Variants in CCDC175 observed in about 807,000 individuals in gnomAD.
The protein encoded by CCDC175 is coiled-coil domain containing 175, also known as coiled-coil domain-containing protein 175.
In CCDC175, 100 loss-of-function variants were observed where a neutral mutation model predicts 114.6. That is an observed-to-expected ratio of 0.87 (90% CI 0.74 to 1.03). The LOEUF is 1.03. Ranked by LOEUF, CCDC175 falls within the 50% of genes least tolerant of loss-of-function variation. CCDC175 has a pLI of 0.00. For missense variants in CCDC175, 880 were observed against 917.8 expected (o/e 0.96, Z 0.53); for synonymous variants, 306 against 308.7 (o/e 0.99, Z 0.09).
At chr14:59,514,175 T>C (rs1374768860) in intron 17 of CCDC175, among the ~76,000 whole-genome samples, 1 of 152,064 alleles carries the variant, frequency 6.6e-6, no homozygotes, top group Non-Finnish European at 1.5e-5. Context: ...TACGTCACCA[T>C]CATCAAAGAC....
chr14:59,506,719 G>A (rs1892425763), intron 19 of CCDC175, among the ~76,000 whole-genome samples: 1 of 152,132 alleles, frequency 6.6e-6, no homozygotes, highest in African/African-American at 2.4e-5. Context: ...TCTTCTCACT[G>A]AAATTTTGAT....
At chr14:59,511,688 A>G in intron 18 of CCDC175, 72 bp downstream of exon 18, 1 of 1,262,258 alleles carries the variant, frequency 7.9e-7, no homozygotes, top group Admixed American at 2.0e-5. Flanking sequence ...AAGCACACAC[A>G]CTTATTAGGT....
chr14:59,563,947 T>C, intron 5 of CCDC175, 88 bp from the exon 6 acceptor site: 1 of 823,594 alleles, frequency 1.2e-6, no homozygotes, highest in East Asian at 3.4e-5. Context: ...GTCAACCTAA[T>C]TCATATTTAA....
At chr14:59,530,179 C>A (rs1442775709) in intron 14 of CCDC175, among the ~76,000 whole-genome samples, 1 of 151,848 alleles carries the variant, frequency 6.6e-6, no homozygotes, top group East Asian at 1.9e-4. Flanking sequence ...CCACCCTGAC[C>A]AACATGGTGA....
chr14:59,563,901 A>G, intron 5 of CCDC175, 42 bp from the exon 6 acceptor site: 4 of 1,273,238 alleles, frequency 3.1e-6, no homozygotes, highest in Non-Finnish European at 4.0e-6. Flanking sequence ...AAAGCCTATT[A>G]GCACAACAAA....
chr14:59,565,087 C>G lies in CCDC175; in HGVS notation c.680G>C (p.Arg227Thr). The change falls in exon 5 of 20, where the codon AGG (arginine) becomes ACG (threonine). Residue 227 changes from arginine (R) to threonine (T), a missense_variant. By Grantham distance (71) the Arg-to-Thr change is moderately conservative. Coordinates refer to ENST00000537690, the MANE Select transcript of CCDC175 (RefSeq NM_001164399.2). ...TTGTTTTCTTATTAGATATTCTGCC[C>G]TTTCTTTTTCCATTAGCTCCTCTGC... ...QEAEELMEKERAEYLIRKQEL... is the reference protein window; with the variant it reads ...QEAEELMEKETAEYLIRKQEL... The G allele has an allele frequency of 6.5e-7, 1 of 1,537,442 alleles. No individual in the cohort carries two copies.
At chr14:59,523,717 C>T (rs762613564) in intron 16 of CCDC175, among the ~76,000 whole-genome samples, 4 of 152,128 alleles carry the variant, frequency 2.6e-5, no homozygotes, top group Non-Finnish European at 5.9e-5. Context: ...CAGCCGGGCG[C>T]GGTGGCTCAA....
At chr14:59,550,886 C>T (rs1895432076) in intron 8 of CCDC175, among the ~76,000 whole-genome samples, 2 of 152,170 alleles carry the variant, frequency 1.3e-5, no homozygotes, top group Non-Finnish European at 2.9e-5. Context: ...TTTGGCAACA[C>T]CCTCACAGAC....
Position 59,563,960 on chromosome 14 carries a change from T to C in CCDC175, c.721-101A>G, listed in dbSNP as rs538380321. On this transcript the variant is annotated intron_variant, in intron 5 of 19. Coordinates refer to ENST00000537690, the MANE Select transcript of CCDC175 (RefSeq NM_001164399.2). ...GTGTCAACCTAATTCATATTTAATC[T>C]AAGTATAACATATTCAAGTATAGTA... The C allele has an allele frequency of 5.7e-5, 38 of 663,902 alleles. No homozygotes were observed. The African/African-American group carries it at 5.8e-4, about 10-fold the overall frequency. The allele number at this position is 663,902 out of a possible 1,614,324, so 41.1% of individuals were successfully genotyped here. A position where few individuals can be genotyped will look rare whatever the true frequency, so the allele number is the denominator to read the frequency against.
At chr14:59,568,769 G>C (rs776840912) in intron 3 of CCDC175, among the ~76,000 whole-genome samples, 1 of 152,206 alleles carries the variant, frequency 6.6e-6, no homozygotes, top group Non-Finnish European at 1.5e-5. Context: ...GTGATAGACA[G>C]GAGCTGGTGC....
chr14:59,540,585 A>G, intron 11 of CCDC175, 90 bp downstream of exon 11: 1 of 1,344,374 alleles, frequency 7.4e-7, no homozygotes, highest in Non-Finnish European at 1.0e-6. Context: ...TCTAGTAACA[A>G]CAAGTACTCT....
chr14:59,536,880 CA>C (rs1349855152), intron 13 of CCDC175, among the ~76,000 whole-genome samples: 4 of 152,082 alleles, frequency 2.6e-5, no homozygotes, highest in African/African-American at 9.7e-5. Context: ...CTGCTGGGTT[CA>C]GGTAATTCTC....
intron 17 of CCDC175, among the ~76,000 whole-genome samples, chr14:59,514,777 C>G (rs1402953486): frequency 2.0e-5 from 3 of 152,152 alleles, no homozygotes; most frequent in Admixed American, 2.0e-4. Flanking sequence ...CCCAATCTAG[C>G]AAGGCAGGCC....
chr14:59,525,585 C>A, intron 15 of CCDC175, 151 bp from the exon 16 acceptor site: 1 of 519,804 alleles, frequency 1.9e-6, no homozygotes, highest in South Asian at 3.3e-5. Flanking sequence ...AAAAACCTAT[C>A]AACCCCACAT....
At chr14:59,549,489 G>A (rs775016346) in intron 8 of CCDC175, among the ~76,000 whole-genome samples, 10 of 152,130 alleles carry the variant, frequency 6.6e-5, no homozygotes, top group Non-Finnish European at 1.5e-4. Context: ...TTCCAGCCTG[G>A]TGGGTGGATC....
chr14:59,516,561 A>G (rs912514077), intron 17 of CCDC175, among the ~76,000 whole-genome samples: 3 of 152,276 alleles, frequency 2.0e-5, no homozygotes, highest in Non-Finnish European at 4.4e-5. Flanking sequence ...ATAAGCTAGA[A>G]AATCTAGAAT....
intron 7 of CCDC175, 24 bp downstream of exon 7, chr14:59,561,095 G>C: frequency 8.3e-7 from 1 of 1,200,652 alleles, no homozygotes; most frequent in Non-Finnish European, 1.2e-6. Context: ...AAACATTTAA[G>C]TAAAAATAAA....
At position 59,572,716 on chromosome 14, in the gene CCDC175, T is replaced by G; in HGVS notation, c.341A>C (p.Lys114Thr). The G allele has an allele frequency of 2.0e-6, 3 of 1,498,832 alleles. No homozygotes were observed. Among genetic ancestry groups the G allele is most frequent in the Non-Finnish European group, 2.7e-6 (3 of 1,132,062 alleles). 92.8% of individuals were successfully genotyped at this position (1,498,832 alleles called of 1,614,324 possible). The change falls in exon 3 of 20, where the codon AAG becomes ACG. Residue 114 changes from lysine to threonine, a missense_variant. Physicochemically the swap from Lys to Thr is moderately conservative, Grantham distance 78 (BLOSUM62 -1). Transcript: ENST00000537690. ...CTCAAAAGTACCTTCCAATTCCCTC[T>G]TAATGCTATTGGGAAGAGTTTCCAA... is the stretch of plus-strand genomic sequence containing the variant. ...YLLETLPNSI[K>T]RELEECVRDA... is the part of the protein sequence containing the mutation.
At chr14:59,529,819 T>G (rs1216754932) in intron 14 of CCDC175, among the ~76,000 whole-genome samples, 4 of 152,140 alleles carry the variant, frequency 2.6e-5, no homozygotes, top group Non-Finnish European at 5.9e-5. Flanking sequence ...AACTAAAAGC[T>G]TTCTGTGTAT....
Sources: gnomAD v4.1 joint callset for allele counts (sites outside exome capture counted in the v4.1 genomes callset) on GRCh38, gnomAD v4.1.1 for gene constraint, MANE v1.5 for transcripts, NCBI Gene and HGNC (gene_info 2026-07-23, HGNC 2026-07-21) for gene names.